IL20RA: variants seen among roughly 807,000 people sequenced by gnomAD.
IL20RA encodes interleukin 20 receptor subunit alpha, also known as interleukin-20 receptor subunit alpha.
A neutral mutation model predicts 36.5 loss-of-function variants in IL20RA; 29 were observed. The observed-to-expected ratio is 0.79, with a 90% confidence interval of 0.59 to 1.08. The LOEUF is 1.08. Among genes scored for constraint, IL20RA ranks in the 50% least tolerant of loss-of-function variants. IL20RA has a pLI of 0.00. For synonymous variants in IL20RA, 279 were observed against 267.1 expected (o/e 1.04, Z -0.43); for missense variants, 652 against 668.4 (o/e 0.98, Z 0.27).
At chr6:137,004,593 A>G (rs1454000621) in intron 6 of IL20RA, 28 bp downstream of exon 6, 2 of 1,608,584 alleles carry the variant, frequency 1.2e-6, no homozygotes, top group Admixed American at 1.7e-5. Context: ...CTATTATAAT[A>G]AAGAACCCTG....
In IL20RA at chr6:137,008,677, C is replaced by A; in HGVS notation, c.646G>T (p.Val216Leu). 4 of 1,608,934 alleles carry A rather than the reference C, an allele frequency of 2.5e-6. No individual in the cohort carries two copies. The highest frequency in any genetic ancestry group is 3.4e-6 in the Non-Finnish European group (4 of 1,177,740). ...CCTGGGACGAAGGACTCCACGTGTA[C>A]GCAGTAAAGAGTGTTCGGCTCCAGC... ...TWLEPNTLYCVHVESFVPGPP... is the reference protein window; with the variant it reads ...TWLEPNTLYCLHVESFVPGPP... The change falls in exon 5 of 7, where the codon GTA (valine) becomes TTA (leucine). Residue 216 changes from valine (V) to leucine (L), a missense_variant. Coordinates refer to ENST00000316649, the MANE Select transcript of IL20RA (RefSeq NM_014432.4).
chr6:137,001,709 C>A lies in IL20RA; in HGVS notation c.1511G>T (p.Cys504Phe), dbSNP rs753539294. The change falls in exon 7 of 7, where the codon TGC (cysteine) becomes TTC (phenylalanine). Residue 504 changes from cysteine to phenylalanine, a missense_variant. Physicochemically the swap from Cys to Phe is radical, Grantham distance 205 (BLOSUM62 -2). Coordinates refer to ENST00000316649, the MANE Select transcript of IL20RA (RefSeq NM_014432.4). ...GAGCCCATCCCCCTCAGAAGGCTCG[C>A]AGCCCTCTGAATCCTGGTCGAAGCT... ...LSSFDQDSEG[C>F]EPSEGDGLGE... The A allele has an allele frequency of 6.2e-7, 1 of 1,614,136 alleles. No homozygotes were observed. Among genetic ancestry groups the A allele is most frequent in the Admixed American group, 1.7e-5 (1 of 60,024 alleles).
intron 1 of IL20RA, among the ~76,000 whole-genome samples, chr6:137,027,226 G>A (rs976438965): frequency 3.3e-5 from 5 of 152,136 alleles, no homozygotes; most frequent in Non-Finnish European, 5.9e-5. Flanking sequence ...GATTCAGTGA[G>A]GACCTACCTG....
At chr6:137,004,578 G>A (rs745618031) in intron 6 of IL20RA, 43 bp downstream of exon 6, 7 of 1,578,798 alleles carry the variant, frequency 4.4e-6, no homozygotes, top group Non-Finnish European at 4.3e-6. Flanking sequence ...CCTCCTGGAG[G>A]TGTACTATTA....
chr6:137,030,723 AT>A (rs1332492516), intron 1 of IL20RA, among the ~76,000 whole-genome samples: 3 of 152,224 alleles, frequency 2.0e-5, no homozygotes, highest in Non-Finnish European at 4.4e-5. Flanking sequence ...TTAACCAATC[AT>A]TTGAGAAAGG....
Position 137,004,764 on chromosome 6 carries a change from T to TAAA in IL20RA, c.725-7_725-5dup. On this transcript the variant is annotated splice_polypyrimidine_tract_variant and splice_region_variant and intron_variant, in intron 5 of 6. Coordinates refer to ENST00000316649, the MANE Select transcript of IL20RA (RefSeq NM_014432.4). Reference sequence around the variant, plus strand: ...GCCTTGAACTCTGATGATTGATCTGTAAAAAAAAAAAAAAAGGTGGGAATT... The same window carrying TAAA: ...GCCTTGAACTCTGATGATTGATCTGTAAAAAAAAAAAAAAAAAAGGTGGGAATT... 8 of 1,444,044 alleles carry TAAA rather than the reference T, an allele frequency of 5.5e-6. No homozygotes were observed. In the African/African-American group the frequency reaches 1.0e-4, roughly 19 times the overall value. The allele number at this position is 1,444,044 out of a possible 1,614,324, so 89.5% of individuals were successfully genotyped here.
intron 1 of IL20RA, chr6:137,043,995 A>T: frequency 3.3e-6 from 2 of 599,566 alleles, no homozygotes; most frequent in African/African-American, 2.0e-5. Context: ...TAAACGAGTT[A>T]AAAGTTTTGT....
chr6:137,033,151 G>C (rs1306654255), intron 1 of IL20RA, among the ~76,000 whole-genome samples: 1 of 152,184 alleles, frequency 6.6e-6, no homozygotes, highest in East Asian at 1.9e-4. Context: ...CACTCCCTCA[G>C]ATGGTTCTAG....
chr6:137,021,240 G>A (rs183382587), intron 1 of IL20RA, among the ~76,000 whole-genome samples: 1 of 152,190 alleles, frequency 6.6e-6, no homozygotes, highest in Non-Finnish European at 1.5e-5. Context: ...GAAATAGATG[G>A]TTCTTACTAC....
chr6:137,027,770 T>C lies in IL20RA; in HGVS notation c.89-10667A>G, dbSNP rs986042141. Among the ~76,000 whole-genome samples the C allele has an allele frequency of 7.2e-5, 11 of 152,200 alleles. No homozygotes were observed. In the South Asian group the frequency reaches 2.1e-3, roughly 29 times the overall value. ...CTTAGTGGATAGAGGCCCAGGGAGG[T>C]TGAATGACTTGCCCATGGTTTTTCA... On this transcript the variant is annotated intron_variant, in intron 1 of 6. Coordinates refer to ENST00000316649, the MANE Select transcript of IL20RA (RefSeq NM_014432.4).
At chr6:137,009,552 C>G (rs1350434996) in intron 3 of IL20RA, 60 bp from the exon 4 acceptor site, 1 of 1,025,344 alleles carries the variant, frequency 9.8e-7, no homozygotes, top group African/African-American at 1.6e-5. Flanking sequence ...TTAGGTAAAG[C>G]TACCATATAA....
intron 5 of IL20RA, among the ~76,000 whole-genome samples, chr6:137,008,147 T>C (rs765531305): frequency 9.9e-5 from 15 of 152,100 alleles, no homozygotes; most frequent in Admixed American, 2.6e-4. Flanking sequence ...TTATTTTTTA[T>C]AGAGATGAGG....
intron 2 of IL20RA, among the ~76,000 whole-genome samples, chr6:137,014,300 T>C (rs1157413187): frequency 6.6e-6 from 1 of 152,222 alleles, no homozygotes; most frequent in African/African-American, 2.4e-5. Context: ...TCAGAAAGTA[T>C]AATCAAAAGA....
Position 137,001,955 on chromosome 6 carries a change from T to G in IL20RA, c.1265A>C (p.Gln422Pro). The G allele has an allele frequency of 6.2e-7, 1 of 1,614,198 alleles. No individual in the cohort carries two copies. The highest frequency in any genetic ancestry group is 8.5e-7 in the Non-Finnish European group (1 of 1,180,044). The change falls in exon 7 of 7, where the codon CAG (glutamine) becomes CCG (proline). Residue 422 changes from glutamine (Q) to proline (P), a missense_variant. Gln to Pro is a moderately conservative substitution (Grantham distance 76). Transcript: ENST00000316649. ...TGTTCCTTGTGTGGACACCTCCTCC[T>G]GCAAACTGAGCTCCTGCTCTTCAGG... The part of the protein sequence containing the change: ...AGPEEQELSL[Q>P]EEVSTQGTLL...
intron 1 of IL20RA, among the ~76,000 whole-genome samples, chr6:137,027,278 C>T (rs1036472732): frequency 6.6e-6 from 1 of 152,228 alleles, no homozygotes; most frequent in Non-Finnish European, 1.5e-5. Context: ...GGACAGAGCA[C>T]GATTCGGTGC....
chr6:137,001,943 G>A lies in IL20RA; in HGVS notation c.1277C>T (p.Ser426Phe). The A allele has an allele frequency of 6.2e-7, 1 of 1,614,114 alleles. No homozygotes were observed. The highest frequency in any genetic ancestry group is 1.1e-5 in the South Asian group (1 of 91,078). ...CGACTCCAATAATGTTCCTTGTGTG[G>A]ACACCTCCTCCTGCAAACTGAGCTC... ...EQELSLQEEVSTQGTLLESQA... is the reference protein window; with the variant it reads ...EQELSLQEEVFTQGTLLESQA... Residue 426 changes from serine (S) to phenylalanine (F), a missense_variant, in exon 7 of 7, where the codon TCC becomes TTC. Coordinates refer to ENST00000316649, the MANE Select transcript of IL20RA (RefSeq NM_014432.4).
intron 1 of IL20RA, among the ~76,000 whole-genome samples, chr6:137,038,938 A>T (rs894593584): frequency 2.6e-5 from 4 of 152,370 alleles, no homozygotes; most frequent in African/African-American, 9.6e-5. Context: ...CAGTTTCATT[A>T]AAAAATTATA....
intron 1 of IL20RA, among the ~76,000 whole-genome samples, chr6:137,031,475 A>G (rs994332611): frequency 6.6e-6 from 1 of 152,242 alleles, no homozygotes; most frequent in African/African-American, 2.4e-5. Context: ...ATACACAAAT[A>G]CTATTGTGTT....
Position 137,044,030 on chromosome 6 carries a change from TATCTGTAC to T in IL20RA, c.88+603_88+610del, listed in dbSNP as rs564982723. 66 of 833,240 alleles carry T rather than the reference TATCTGTAC, an allele frequency of 7.9e-5. No individual in the cohort carries two copies. In the East Asian group the frequency reaches 6.7e-3, roughly 84 times the overall value. The allele number at this position is 833,240 out of a possible 1,614,324, so 51.6% of individuals were successfully genotyped here. A position where few individuals can be genotyped will look rare whatever the true frequency, so the allele number is the denominator to read the frequency against. On this transcript the variant is annotated intron_variant, in intron 1 of 6. Transcript: ENST00000316649. ...TTATTTCTGAAAAATCAAAGAGCAC[TATCTGTAC>T]ATGGTCATAACTGCAAAGGAAACAA...
Sources: allele counts gnomAD v4.1 joint callset (sites outside exome capture counted in the v4.1 genomes callset), GRCh38; gene constraint gnomAD v4.1.1; transcripts MANE v1.5; gene names NCBI Gene and HGNC (gene_info 2026-07-23, HGNC 2026-07-21).